KAZN: variants seen among roughly 807,000 people sequenced by gnomAD.
KAZN encodes kazrin, periplakin interacting protein.
A neutral mutation model predicts 87.4 loss-of-function variants in KAZN; 40 were observed. The ratio of observed to expected loss-of-function variants is 0.46; its 90% confidence interval spans 0.36 to 0.60. The LOEUF is 0.60. KAZN is among the 20% of genes least tolerant of loss of function. The pLI is 0.00. For synonymous variants in KAZN, 466 were observed against 458.3 expected, an observed-to-expected ratio of 1.02 and a Z score of -0.22; for missense variants, 898 against 1,073.9, an observed-to-expected ratio of 0.84 and a Z score of 2.29.
chr1:13,965,387 G>T (rs1019944389), intron 1 of KAZN, among the ~76,000 whole-genome samples: 4 of 152,142 alleles, frequency 2.6e-5, no homozygotes, highest in Non-Finnish European at 5.9e-5. Context: ...TGAATAAGAT[G>T]CTGATGCCAA....
intron 1 of KAZN, among the ~76,000 whole-genome samples, chr1:13,897,486 A>G (rs1557706833): frequency 6.6e-6 from 1 of 152,142 alleles, no homozygotes; most frequent in East Asian, 1.9e-4. Flanking sequence ...TCTCAGGCTC[A>G]TACATGTATG....
intron 1 of KAZN, among the ~76,000 whole-genome samples, chr1:14,711,458 A>G (rs933198415): frequency 6.6e-6 from 1 of 152,078 alleles, no homozygotes; most frequent in Non-Finnish European, 1.5e-5. Flanking sequence ...GAAAGGCACG[A>G]CACGCAGGTT....
intron 1 of KAZN, among the ~76,000 whole-genome samples, chr1:14,619,220 C>A (rs1678498084): frequency 6.7e-6 from 1 of 149,612 alleles, no homozygotes; most frequent in Non-Finnish European, 1.5e-5. Flanking sequence ...TTTTTTAAGA[C>A]AAAATTTTAC....
intron 1 of KAZN, among the ~76,000 whole-genome samples, chr1:13,987,325 C>CA (rs1004178400): frequency 6.6e-6 from 1 of 152,082 alleles, no homozygotes; most frequent in African/African-American, 2.4e-5. Context: ...CCTCTTGCCC[C>CA]CCTACCCCTC....
chr1:14,107,387 G>GTTTC (rs1644400975), intron 1 of KAZN, among the ~76,000 whole-genome samples: 1 of 151,456 alleles, frequency 6.6e-6, no homozygotes, highest in Admixed American at 6.6e-5. Flanking sequence ...TTGTTTGTTT[G>GTTTC]TTTTTTTGCC....
chr1:14,786,256 A>C (rs1410680481), intron 1 of KAZN, among the ~76,000 whole-genome samples: 1 of 152,160 alleles, frequency 6.6e-6, no homozygotes, highest in Non-Finnish European at 1.5e-5. Context: ...ACTGGCTACT[A>C]ATTAACAATT....
chr1:14,502,571 G>A (rs1407675278), intron 2 of KAZN, among the ~76,000 whole-genome samples: 2 of 151,908 alleles, frequency 1.3e-5, no homozygotes, highest in African/African-American at 4.8e-5. Context: ...TACTCCTGGG[G>A]GCCTACCAAA....
At chr1:14,170,622 C>A (rs558920589) in intron 1 of KAZN, among the ~76,000 whole-genome samples, 6 of 152,338 alleles carry the variant, frequency 3.9e-5, no homozygotes, top group Middle Eastern at 3.4e-3. Flanking sequence ...ATAACCATCA[C>A]CACTATCTAG....
chr1:14,190,368 C>T (rs901195157), intron 2 of KAZN, among the ~76,000 whole-genome samples: 7 of 152,166 alleles, frequency 4.6e-5, no homozygotes, highest in East Asian at 1.9e-4. Flanking sequence ...TTGTGAGGGA[C>T]GTGGGATTTT....
intron 2 of KAZN, among the ~76,000 whole-genome samples, chr1:14,534,199 A>G (rs1211946465): frequency 6.6e-6 from 1 of 152,068 alleles, no homozygotes; most frequent in African/African-American, 2.4e-5. Context: ...CTGAGGCTAG[A>G]CTCAGCTTTG....
intron 2 of KAZN, among the ~76,000 whole-genome samples, chr1:14,582,931 G>A (rs949208732): frequency 4.6e-5 from 7 of 152,154 alleles, no homozygotes; most frequent in African/African-American, 1.4e-4. Flanking sequence ...CATGAGCACC[G>A]TTAGGGCAGA....
chr1:14,752,635 T>TACCAATCCCATTCATGAGGGC (rs1553124835), intron 1 of KAZN, among the ~76,000 whole-genome samples: 1 of 152,076 alleles, frequency 6.6e-6, no homozygotes, highest in Non-Finnish European at 1.5e-5. Context: ...TTCATAAGGG[T>TACCAATCCCATTCATGAGGGC]ACCAATCCCA....
chr1:14,642,137 A>G (rs1680449448), intron 1 of KAZN, among the ~76,000 whole-genome samples: 1 of 152,194 alleles, frequency 6.6e-6, no homozygotes, highest in South Asian at 2.1e-4. Context: ...TGGTGGCTTA[A>G]GCCTGTAATC....
At chr1:14,255,546 G>A (rs1457527517) in intron 2 of KAZN, among the ~76,000 whole-genome samples, 1 of 152,154 alleles carries the variant, frequency 6.6e-6, no homozygotes, top group Non-Finnish European at 1.5e-5. Context: ...CATATTGAAT[G>A]GAATTATGGG....
At chr1:14,561,508 T>C (rs1276922535) in intron 2 of KAZN, among the ~76,000 whole-genome samples, 9 of 152,174 alleles carry the variant, frequency 5.9e-5, no homozygotes, top group Non-Finnish European at 1.2e-4. Flanking sequence ...GTGGCCCATG[T>C]GACCAGAAAT....
At chr1:15,076,326 G>A (rs1335926495) in intron 8 of KAZN, among the ~76,000 whole-genome samples, 3 of 152,190 alleles carry the variant, frequency 2.0e-5, no homozygotes, top group Non-Finnish European at 4.4e-5. Flanking sequence ...GACAGCCTGA[G>A]CCCAGCAGAA....
At chr1:14,126,241 G>T (rs758466264) in intron 1 of KAZN, among the ~76,000 whole-genome samples, 1 of 152,136 alleles carries the variant, frequency 6.6e-6, no homozygotes. Context: ...TTCTCTCATT[G>T]TGGGTTTCCC....
chr1:14,356,046 A>G (rs555351163), intron 2 of KAZN, among the ~76,000 whole-genome samples: 3 of 152,312 alleles, frequency 2.0e-5, no homozygotes, highest in Admixed American at 6.5e-5. Context: ...ACTCCCACCA[A>G]TGGTGTAAAA....
At chr1:14,875,331 CAAAAAAAAAAAAAAA>C (rs58205013) in intron 1 of KAZN, among the ~76,000 whole-genome samples, 1 of 86,948 alleles carries the variant, frequency 1.2e-5, no homozygotes, top group Non-Finnish European at 2.2e-5. Context: ...AACTCTGTCT[CAAAAAAAAAAAAAAA>C]AAAAAAAAAT....
Sources: allele counts gnomAD v4.1 joint callset (sites outside exome capture counted in the v4.1 genomes callset), GRCh38; gene constraint gnomAD v4.1.1; transcripts MANE v1.5; gene names NCBI Gene and HGNC (gene_info 2026-07-23, HGNC 2026-07-21).